The following SVOPL variants were observed in gnomAD, a reference collection of about 807,000 sequenced individuals.
The protein encoded by SVOPL is SVOP like.
A neutral mutation model predicts 61.0 loss-of-function variants in SVOPL; 60 were observed. The observed-to-expected ratio is 0.98, with a 90% CI of 0.80 to 1.22. SVOPL has a LOEUF of 1.22. SVOPL is among the 50% of genes most tolerant of loss of function. The pLI is 0.00. For missense variants in SVOPL, 662 were observed against 643.9 expected (o/e 1.03, Z -0.30); for synonymous variants, 279 against 250.0 (o/e 1.12, Z -1.09).
chr7:138,622,294 C>CTATCTATCTATCTATGTATG (rs1554457369), intron 13 of SVOPL, among the ~76,000 whole-genome samples: 3 of 103,036 alleles, frequency 2.9e-5, no homozygotes, highest in African/African-American at 1.1e-4. Context: ...ATCTATCTAT[C>CTATCTATCTATCTATGTATG]TATCTATCTA....
At position 138,628,153 on chromosome 7, in the gene SVOPL, C is replaced by T. The variant is rs780195529; in HGVS notation, c.1069+5G>A. On this transcript the variant is annotated splice_donor_5th_base_variant and intron_variant, in intron 11 of 15. Transcript: ENST00000674285. The stretch of plus-strand genomic sequence containing the variant: ...GAGAGACCCAACACGCAGAGGGACA[C>T]TTACAAGCAATTTCACCGATGGTGC... 3 of 1,614,166 alleles carry T rather than the reference C, an allele frequency of 1.9e-6. No homozygotes were observed. Among genetic ancestry groups the T allele is most frequent in the East Asian group, 4.5e-5 (2 of 44,876 alleles).
intron 9 of SVOPL, among the ~76,000 whole-genome samples, chr7:138,639,716 CAG>C (rs1225159856): frequency 6.6e-6 from 1 of 151,984 alleles, no homozygotes; most frequent in Non-Finnish European, 1.5e-5. Context: ...TACTTTGAGA[CAG>C]GGTCTCGCCC....
At chr7:138,661,283 G>A (rs528174821) in intron 5 of SVOPL, 142 of 985,412 alleles carry the variant, frequency 1.4e-4, no homozygotes, top group Non-Finnish European at 1.6e-4. Flanking sequence ...CTTTGAGCAC[G>A]TAGCTAGTTT....
intron 14 of SVOPL, among the ~76,000 whole-genome samples, chr7:138,599,836 T>C (rs1798437462): frequency 7.0e-6 from 1 of 143,270 alleles, no homozygotes; most frequent in African/African-American, 2.6e-5. Flanking sequence ...TGCAGTGAGC[T>C]GAGGACACAC....
At chr7:138,699,234 G>A (rs1196495348) in intron 1 of SVOPL, among the ~76,000 whole-genome samples, 1 of 152,134 alleles carries the variant, frequency 6.6e-6, no homozygotes, top group Non-Finnish European at 1.5e-5. Flanking sequence ...AACCTGGGAG[G>A]CGGAGGTTAC....
intron 1 of SVOPL, chr7:138,689,463 G>C (rs1802891536): frequency 2.0e-6 from 2 of 1,001,874 alleles, no homozygotes; most frequent in East Asian, 4.9e-5. Flanking sequence ...TAAACCAGAA[G>C]ACAAGGTTGC....
At chr7:138,674,653 G>A (rs1410838673) in intron 3 of SVOPL, among the ~76,000 whole-genome samples, 2 of 151,384 alleles carry the variant, frequency 1.3e-5, no homozygotes, top group Admixed American at 6.6e-5. Context: ...TCAGGAGATC[G>A]AGACCATCCT....
chr7:138,645,159 G>A (rs1801032478), intron 8 of SVOPL, among the ~76,000 whole-genome samples: 1 of 151,892 alleles, frequency 6.6e-6, no homozygotes, highest in African/African-American at 2.4e-5. Flanking sequence ...CACTGCTGCG[G>A]GCACCCCTCT....
chr7:138,680,922 A>G (rs549617963), intron 1 of SVOPL, among the ~76,000 whole-genome samples: 1 of 152,142 alleles, frequency 6.6e-6, no homozygotes, highest in East Asian at 1.9e-4. Context: ...ACTTAATTGT[A>G]TATTCCTAGT....
chr7:138,609,866 G>C (rs954444157), intron 14 of SVOPL, among the ~76,000 whole-genome samples: 15 of 151,958 alleles, frequency 9.9e-5, no homozygotes, highest in African/African-American at 3.6e-4. Context: ...CAGAGTAGCT[G>C]GGATTAAAGG....
chr7:138,664,702 C>T (rs1256368260), intron 4 of SVOPL, among the ~76,000 whole-genome samples: 1 of 151,480 alleles, frequency 6.6e-6, no homozygotes, highest in Non-Finnish European at 1.5e-5. Context: ...ATCGGGCGCA[C>T]CCCTGATCCT....
intron 9 of SVOPL, among the ~76,000 whole-genome samples, chr7:138,639,874 A>C (rs1406721171): frequency 6.6e-6 from 1 of 151,454 alleles, no homozygotes; most frequent in African/African-American, 2.4e-5. Flanking sequence ...TCAACCTCTG[A>C]AATAGCTAGT....
At chr7:138,661,589 T>C in intron 5 of SVOPL, 1 of 985,434 alleles carries the variant, frequency 1.0e-6, no homozygotes, top group Non-Finnish European at 1.2e-6. Flanking sequence ...TACCGCAAGT[T>C]GCACAATGTG....
At chr7:138,617,390 T>A (rs1378599072) in intron 14 of SVOPL, among the ~76,000 whole-genome samples, 2 of 151,716 alleles carry the variant, frequency 1.3e-5, no homozygotes, top group Non-Finnish European at 2.9e-5. Context: ...GGCAAAAAAA[T>A]AAGAAGGAGG....
intron 1 of SVOPL, among the ~76,000 whole-genome samples, chr7:138,695,546 T>C (rs973673562): frequency 6.6e-6 from 1 of 152,000 alleles, no homozygotes; most frequent in Non-Finnish European, 1.5e-5. Flanking sequence ...GTATGACAAA[T>C]ATGGCGATAA....
rs185716864 is a variant in SVOPL, at chr7:138,701,205, A to T, written c.-62T>A. On this transcript the variant is annotated 5_prime_UTR_variant, in exon 1 of 16. Transcript: ENST00000674285. Reference sequence around the variant, plus strand: ...CTGTATATTCCTTGGACAGTCTTCCAATTTCAGGCTCTTTTGCTCCCCTCA... The same window carrying T: ...CTGTATATTCCTTGGACAGTCTTCCTATTTCAGGCTCTTTTGCTCCCCTCA... 6.6e-6 allele frequency: 1 copy of T among 152,166 alleles called. No homozygotes were observed. The highest frequency in any genetic ancestry group is 2.4e-5 in the African/African-American group (1 of 41,424). 9.4% of individuals were successfully genotyped at this position (152,166 alleles called of 1,614,324 possible). A position where few individuals can be genotyped will look rare whatever the true frequency, so the allele number is the denominator to read the frequency against.
At chr7:138,615,454 G>A (rs1400427928) in intron 14 of SVOPL, among the ~76,000 whole-genome samples, 1 of 151,670 alleles carries the variant, frequency 6.6e-6, no homozygotes, top group Admixed American at 6.6e-5. Context: ...CTACTCGGGA[G>A]GCTGAGGCAG....
In SVOPL at chr7:138,628,557, A is replaced by G. The variant is rs553701439; in HGVS notation, c.864-194T>C. Among the ~76,000 whole-genome samples, 3 of 152,330 alleles carry G rather than the reference A, an allele frequency of 2.0e-5. No homozygotes were observed. The South Asian group carries it at 6.2e-4, about 32-fold the overall frequency. On this transcript the variant is annotated intron_variant, in intron 10 of 15. Transcript: ENST00000674285. ...AGATGTACACATGCCTGTCGGGTGT[A>G]AACCTAGGAGCAGAATTGCCGGGCC...
At chr7:138,680,591 G>T (rs1802679117) in intron 1 of SVOPL, among the ~76,000 whole-genome samples, 1 of 150,798 alleles carries the variant, frequency 6.6e-6, no homozygotes. Flanking sequence ...GTGTGTGTGT[G>T]TGTGTGAGAC....
Sources: gnomAD v4.1 joint callset for allele counts (sites outside exome capture counted in the v4.1 genomes callset) on GRCh38, gnomAD v4.1.1 for gene constraint, MANE v1.5 for transcripts, NCBI Gene and HGNC (gene_info 2026-07-23, HGNC 2026-07-21) for gene names.